CDH18: variants seen among roughly 807,000 people sequenced by gnomAD.
The protein encoded by CDH18 is cadherin-18.
Under a neutral mutation model 67.9 loss-of-function variants are expected in CDH18, and 31 were observed. The ratio of observed to expected loss-of-function variants is 0.46; its 90% CI spans 0.34 to 0.62. The LOEUF (loss-of-function observed/expected upper bound fraction) is 0.62, where lower values mean the gene tolerates loss of function less well. Among genes scored for constraint, CDH18 ranks in the 20% least tolerant of loss-of-function variants. The pLI is 0.01. For synonymous variants in CDH18, 362 were observed against 347.2 expected, an observed-to-expected ratio of 1.04 and a Z score of -0.48; for missense variants, 890 against 975.5, an observed-to-expected ratio of 0.91 and a Z score of 1.17.
At chr5:19,492,933 C>T (rs777672556) in intron 11 of CDH18, among the ~76,000 whole-genome samples, 2 of 152,102 alleles carry the variant, frequency 1.3e-5, no homozygotes, top group Non-Finnish European at 2.9e-5. Flanking sequence ...GAATAAGGCA[C>T]AGTGCTTAGT....
At chr5:19,536,032 G>T (rs1204560728) in intron 9 of CDH18, among the ~76,000 whole-genome samples, 1 of 152,108 alleles carries the variant, frequency 6.6e-6, no homozygotes, top group East Asian at 1.9e-4. Flanking sequence ...GGTATGATGG[G>T]TGGAGAAACT....
At chr5:20,437,157 T>G (rs1355877028) in intron 1 of CDH18, among the ~76,000 whole-genome samples, 1 of 148,228 alleles carries the variant, frequency 6.7e-6, no homozygotes, top group Admixed American at 6.7e-5. Context: ...GAAAAAAAAA[T>G]GATACAATGT....
intron 12 of CDH18, among the ~76,000 whole-genome samples, chr5:19,474,951 G>A (rs1167981439): frequency 6.6e-6 from 1 of 151,964 alleles, no homozygotes; most frequent in East Asian, 1.9e-4. Flanking sequence ...CATCAAATTT[G>A]TTATAGGCTG....
chr5:19,597,431 T>A (rs946099868), intron 6 of CDH18, among the ~76,000 whole-genome samples: 1 of 152,252 alleles, frequency 6.6e-6, no homozygotes, highest in East Asian at 1.9e-4. Flanking sequence ...TAGTTGCCAG[T>A]GATTTGCTAA....
At chr5:19,738,345 G>A (rs1245698012) in intron 4 of CDH18, among the ~76,000 whole-genome samples, 1 of 152,114 alleles carries the variant, frequency 6.6e-6, no homozygotes, top group Non-Finnish European at 1.5e-5. Flanking sequence ...TCTACTTTAA[G>A]AGAAGTGCTA....
At chr5:19,938,153 G>C (rs1256549506) in intron 2 of CDH18, among the ~76,000 whole-genome samples, 2 of 150,334 alleles carry the variant, frequency 1.3e-5, no homozygotes, top group Non-Finnish European at 3.0e-5. Flanking sequence ...GTGAAGCAGT[G>C]GAGTCACTGA....
intron 1 of CDH18, among the ~76,000 whole-genome samples, chr5:20,495,135 C>T (rs1466831024): frequency 6.6e-6 from 1 of 152,102 alleles, no homozygotes; most frequent in Non-Finnish European, 1.5e-5. Context: ...TGGAGTTTAT[C>T]ATTTTTTTCT....
chr5:19,922,461 C>A (rs576140245), intron 2 of CDH18, among the ~76,000 whole-genome samples: 125 of 152,110 alleles, frequency 8.2e-4, no homozygotes, highest in Admixed American at 1.4e-3. Context: ...AGAGATCAAG[C>A]CTGTCATATA....
chr5:19,679,463 G>A (rs1759956530), intron 5 of CDH18, among the ~76,000 whole-genome samples: 2 of 151,864 alleles, frequency 1.3e-5, no homozygotes, highest in African/African-American at 4.8e-5. Flanking sequence ...GTGCAATCAG[G>A]AAAGAGAAAG....
intron 1 of CDH18, among the ~76,000 whole-genome samples, chr5:20,485,070 G>A (rs189323148): frequency 9.2e-5 from 14 of 152,074 alleles, no homozygotes; most frequent in Non-Finnish European, 1.5e-5. Flanking sequence ...GTATGATTCA[G>A]ACATATGACA....
chr5:19,662,353 G>C (rs1757297959), intron 5 of CDH18, among the ~76,000 whole-genome samples: 1 of 151,860 alleles, frequency 6.6e-6, no homozygotes, highest in Non-Finnish European at 1.5e-5. Flanking sequence ...GAAATATTTT[G>C]AGGGCATAAG....
chr5:19,954,418 A>G (rs888964646), intron 2 of CDH18, among the ~76,000 whole-genome samples: 3 of 152,074 alleles, frequency 2.0e-5, no homozygotes, highest in African/African-American at 7.2e-5. Context: ...AGAAAACTAC[A>G]CATATCAATT....
chr5:19,501,285 T>C (rs954900273), intron 11 of CDH18, among the ~76,000 whole-genome samples: 1 of 149,726 alleles, frequency 6.7e-6, no homozygotes, highest in Non-Finnish European at 1.5e-5. Context: ...TATAACAATC[T>C]TTTATGAAGA....
chr5:20,055,858 A>G (rs940361642), intron 2 of CDH18, among the ~76,000 whole-genome samples: 4 of 152,166 alleles, frequency 2.6e-5, no homozygotes, highest in African/African-American at 9.7e-5. Context: ...ACAGGCATGT[A>G]TAAGCATCTG....
chr5:20,299,432 ACACACACACACACAC>A (rs1276444890), intron 1 of CDH18, among the ~76,000 whole-genome samples: 9 of 151,676 alleles, frequency 5.9e-5, no homozygotes, highest in African/African-American at 1.7e-4. Context: ...ACACACACAC[ACACACACACACACAC>A]ACAAAATGAG....
intron 10 of CDH18, among the ~76,000 whole-genome samples, chr5:19,510,077 G>C (rs138697900): frequency 1.3e-5 from 2 of 152,026 alleles, no homozygotes; most frequent in Non-Finnish European, 2.9e-5. Context: ...AGAAATATCC[G>C]TAATTTGAAA....
intron 1 of CDH18, among the ~76,000 whole-genome samples, chr5:20,529,871 A>T (rs953066203): frequency 2.6e-5 from 4 of 151,970 alleles, no homozygotes; most frequent in African/African-American, 9.7e-5. Context: ...TCAACATAAC[A>T]TTGGAAGTTC....
intron 2 of CDH18, among the ~76,000 whole-genome samples, chr5:19,931,388 T>C (rs1013031574): frequency 6.6e-6 from 1 of 151,960 alleles, no homozygotes; most frequent in African/African-American, 2.4e-5. Flanking sequence ...AACAATGAAA[T>C]TTTATTTTCC....
intron 1 of CDH18, among the ~76,000 whole-genome samples, chr5:20,488,518 A>G (rs1347720867): frequency 6.6e-6 from 1 of 152,076 alleles, no homozygotes; most frequent in East Asian, 1.9e-4. Flanking sequence ...GTTTCCATCC[A>G]TTAAAATGAT....
Sources: allele counts gnomAD v4.1 joint callset (sites outside exome capture counted in the v4.1 genomes callset), GRCh38; gene constraint gnomAD v4.1.1; transcripts MANE v1.5; gene names NCBI Gene and HGNC (gene_info 2026-07-23, HGNC 2026-07-21).